IYD: variants seen among roughly 807,000 people sequenced by gnomAD.
IYD encodes the protein iodotyrosine deiodinase 1.
IYD carries 25 observed loss-of-function variants against 28.4 expected under a neutral mutation model. That is an observed-to-expected ratio of 0.88 (90% CI 0.64 to 1.23). IYD has a LOEUF of 1.23. Ranked by LOEUF, IYD falls within the 50% of genes most tolerant of loss-of-function variation. IYD has a pLI of 0.00. For synonymous variants in IYD, 140 were observed against 130.8 expected, an observed-to-expected ratio of 1.07 and a Z score of -0.48; for missense variants, 352 against 357.9, an observed-to-expected ratio of 0.98 and a Z score of 0.13.
At chr6:150,385,820 G>C (rs1391003843) in intron 1 of IYD, among the ~76,000 whole-genome samples, 1 of 151,892 alleles carries the variant, frequency 6.6e-6, no homozygotes, top group East Asian at 1.9e-4. Flanking sequence ...ATAGTCAGCA[G>C]ACTTTTCAGT....
rs1449281047 is a variant in IYD at position 150,403,140 on chromosome 6, A to T, written c.*4903A>T. On this transcript the variant is annotated 3_prime_UTR_variant, in exon 5 of 5. Transcript: ENST00000344419. ...CCCAAAGAGTATTCAAACTGATGTG[A>T]TATTTTAAAAGACATTTTGTAAGCA... 1 of 152,232 alleles carries T rather than the reference A, an allele frequency of 6.6e-6. No homozygotes were observed. The highest frequency in any genetic ancestry group is 1.5e-5 in the Non-Finnish European group (1 of 68,032). 9.4% of individuals were successfully genotyped at this position (152,232 alleles called of 1,614,324 possible).
Position 150,392,566 on chromosome 6 carries a change from C to T in IYD, c.530+62C>T. The T allele has an allele frequency of 2.7e-6, 4 of 1,504,450 alleles. No homozygotes were observed. The South Asian group carries it at 4.6e-5, about 17-fold the overall frequency. 93.2% of individuals were successfully genotyped at this position (1,504,450 alleles called of 1,614,324 possible). Reference sequence around the variant, plus strand: ...GCCTCTTAAAATAAAATCACCACCACCACCATGTCCTGGCTTTGTTGTAAG... The same window carrying T: ...GCCTCTTAAAATAAAATCACCACCATCACCATGTCCTGGCTTTGTTGTAAG... On this transcript the variant is annotated intron_variant, in intron 3 of 4. Transcript: ENST00000344419.
rs552692427 is a variant in IYD at position 150,396,628 on chromosome 6, A to G, written c.688-1427A>G. The G allele has an allele frequency of 4.0e-4, 189 of 474,882 alleles. 2 individuals are homozygous for G. Among genetic ancestry groups the G allele is most frequent in the African/African-American group, 3.6e-3 (175 of 48,830 alleles). The allele number at this position is 474,882 out of a possible 1,614,324, so 29.4% of individuals were successfully genotyped here. ...GGTGGCTCACGCCTCTAATCCCAGC[A>G]CTTTGGGAGGCCAAGGCGGGCGGAT... On this transcript the variant is annotated intron_variant, in intron 4 of 4. Transcript: ENST00000344419.
At chr6:150,376,564 T>G (rs1015348545) in intron 1 of IYD, among the ~76,000 whole-genome samples, 1 of 152,118 alleles carries the variant, frequency 6.6e-6, no homozygotes, top group African/African-American at 2.4e-5. Flanking sequence ...GTTCCCCAGG[T>G]TGTCTCTGTC....
Position 150,398,475 on chromosome 6 carries a change from C to A in IYD, c.*238C>A. On this transcript the variant is annotated 3_prime_UTR_variant, in exon 5 of 5. Transcript: ENST00000344419. ...CATGAACACTTTACAAAGAACATGC[C>A]CGGGTTTTTACATTTTAAAAGTTAT... 1.9e-6 allele frequency: 1 copy of A among 520,458 alleles called. No homozygotes were observed. Among genetic ancestry groups the A allele is most frequent in the Non-Finnish European group, 3.4e-6 (1 of 292,586 alleles). 32.2% of individuals were successfully genotyped at this position (520,458 alleles called of 1,614,324 possible). A position where few individuals can be genotyped will look rare whatever the true frequency, so the allele number is the denominator to read the frequency against.
chr6:150,378,256 G>C (rs1777520576), intron 1 of IYD, among the ~76,000 whole-genome samples: 1 of 149,490 alleles, frequency 6.7e-6, no homozygotes. Context: ...GTATACATGT[G>C]CCATGCTGGT....
intron 1 of IYD, chr6:150,370,755 G>A: frequency 1.2e-5 from 8 of 689,172 alleles, no homozygotes; most frequent in Non-Finnish European, 1.4e-5. Context: ...GTTAATGGAA[G>A]AGCAACAGGG....
chr6:150,384,042 G>A (rs1042651537), intron 1 of IYD, among the ~76,000 whole-genome samples: 7 of 152,054 alleles, frequency 4.6e-5, no homozygotes, highest in African/African-American at 1.7e-4. Context: ...ACACAATTTA[G>A]GTAGTACAAT....
At chr6:150,386,117 T>C (rs1021278037) in intron 1 of IYD, among the ~76,000 whole-genome samples, 3 of 151,952 alleles carry the variant, frequency 2.0e-5, no homozygotes, top group African/African-American at 7.2e-5. Context: ...TTTTCCTTAA[T>C]ATGTCATATT....
chr6:150,369,346 T>A (rs1292749358), intron 1 of IYD, 137 bp downstream of exon 1: 2 of 823,172 alleles, frequency 2.4e-6, no homozygotes, highest in Non-Finnish European at 4.0e-6. Flanking sequence ...TGCTAATGAA[T>A]CAGTGCTTGG....
At position 150,392,429 on chromosome 6, in the gene IYD, T is replaced by G; in HGVS notation, c.455T>G (p.Ile152Ser). The change falls in exon 3 of 5, where the codon ATC (isoleucine) becomes AGC (serine). Residue 152 changes from isoleucine (I) to serine (S), a missense_variant. Ile to Ser is a moderately radical substitution (Grantham distance 142, BLOSUM62 -2). Transcript: ENST00000344419. The stretch of plus-strand genomic sequence containing the variant: ...GACGTGAAGCACAAGATTCGAAAGA[T>G]CATTGAGGAGGAAGAGGAGATCAAC... ...DPDVKHKIRK[I>S]IEEEEEINYM... The G allele has an allele frequency of 6.2e-7, 1 of 1,613,868 alleles. No homozygotes were observed. The highest frequency in any genetic ancestry group is 8.5e-7 in the Non-Finnish European group (1 of 1,179,858).
intron 1 of IYD, 30 bp downstream of exon 1, chr6:150,369,239 C>G (rs778854930): frequency 1.9e-6 from 3 of 1,603,138 alleles, no homozygotes; most frequent in East Asian, 2.2e-5. Context: ...TGCTTAGCTT[C>G]GCTGTCGTGT....
At chr6:150,393,149 G>A (rs1778187240) in intron 3 of IYD, among the ~76,000 whole-genome samples, 2 of 152,196 alleles carry the variant, frequency 1.3e-5, no homozygotes, top group East Asian at 1.9e-4. Flanking sequence ...GCCACTTTAT[G>A]TATTTTAACT....
chr6:150,390,212 G>A (rs116057274), intron 2 of IYD, among the ~76,000 whole-genome samples: 2,597 of 152,164 alleles, frequency 0.017, 79 homozygotes, highest in African/African-American at 0.059. Context: ...TCACATGCCC[G>A]TTATTAATCT....
At chr6:150,395,528 G>A in intron 4 of IYD, 3 of 1,537,344 alleles carry the variant, frequency 2.0e-6, no homozygotes, top group Non-Finnish European at 2.6e-6. Context: ...GGAAGAAGCA[G>A]CGAAGCCTGC....
chr6:150,397,928 T>C (rs1274761423), intron 4 of IYD, 127 bp from the exon 5 acceptor site: 1 of 937,922 alleles, frequency 1.1e-6, no homozygotes, highest in East Asian at 2.5e-5. Flanking sequence ...GCAGCCTCTT[T>C]GCTGCCCAAC....
At chr6:150,383,793 T>TA (rs754408425) in intron 1 of IYD, among the ~76,000 whole-genome samples, 12,303 of 53,582 alleles carry the variant, frequency 0.23, 613 homozygotes, top group Non-Finnish European at 0.27. Context: ...ACCAAGTCTC[T>TA]AAAAAAAAAA....
chr6:150,369,624 G>T (rs2115006163), intron 1 of IYD, among the ~76,000 whole-genome samples: 1 of 152,330 alleles, frequency 6.6e-6, no homozygotes, highest in East Asian at 1.9e-4. Context: ...CCAGGCCCTG[G>T]AAGTGAAAGC....
intron 1 of IYD, among the ~76,000 whole-genome samples, chr6:150,382,289 T>C (rs1169993044): frequency 2.0e-5 from 3 of 152,192 alleles, no homozygotes; most frequent in Non-Finnish European, 4.4e-5. Flanking sequence ...TCAGCTTGCA[T>C]TGCAGCTTGG....
Sources: gnomAD v4.1 joint callset for allele counts (sites outside exome capture counted in the v4.1 genomes callset) on GRCh38, gnomAD v4.1.1 for gene constraint, MANE v1.5 for transcripts, NCBI Gene and HGNC (gene_info 2026-07-23, HGNC 2026-07-21) for gene names.